C1QTNF3: variants seen among roughly 807,000 people sequenced by gnomAD.
C1QTNF3 encodes complement C1q tumor necrosis factor-related protein 3.
Under a neutral mutation model 32.6 loss-of-function variants are expected in C1QTNF3, and 26 were observed. That is an observed-to-expected ratio of 0.80 (90% confidence interval 0.58 to 1.11). The LOEUF is 1.11. C1QTNF3 is among the 50% of genes least tolerant of loss of function. C1QTNF3 has a pLI of 0.00. For missense variants in C1QTNF3, 362 were observed against 398.2 expected (o/e 0.91, Z 0.77); for synonymous variants, 155 against 146.0 (o/e 1.06, Z -0.44).
At chr5:34,071,148 C>G in the C1QTNF3 span, among the ~76,000 whole-genome samples, 2 of 152,192 alleles carry the variant, frequency 1.3e-5, no homozygotes, top group African/African-American at 4.8e-5. Context: ...AACATTAAAG[C>G]TTATTTTCCA....
chr5:34,133,395 T>C, the C1QTNF3 span, among the ~76,000 whole-genome samples: 1 of 152,126 alleles, frequency 6.6e-6, no homozygotes, highest in South Asian at 2.1e-4. Context: ...TCTTGTAAGT[T>C]TACAAAGGTC....
At chr5:34,056,473 T>TAGAGAG in the C1QTNF3 span, among the ~76,000 whole-genome samples, 1 of 106,984 alleles carries the variant, frequency 9.3e-6, no homozygotes, top group Admixed American at 1.0e-4. Context: ...TATATATATA[T>TAGAGAG]ATATATAGAG....
chr5:34,079,014 T>G, the C1QTNF3 span, among the ~76,000 whole-genome samples: 1 of 151,626 alleles, frequency 6.6e-6, no homozygotes, highest in African/African-American at 2.4e-5. Context: ...CACTTGGTTT[T>G]CTGGCCTTCC....
the C1QTNF3 span, among the ~76,000 whole-genome samples, chr5:34,230,606 C>A: frequency 1.3e-5 from 2 of 152,052 alleles, no homozygotes; most frequent in Non-Finnish European, 2.9e-5. Context: ...CAGCATAAAA[C>A]AATATTAAAA....
chr5:34,239,233 A>G, the C1QTNF3 span: 92 of 152,112 alleles, frequency 6.0e-4, 3 homozygotes, highest in Admixed American at 7.2e-4. Flanking sequence ...TATCTACACA[A>G]TCAAGTCTAC....
the C1QTNF3 span, among the ~76,000 whole-genome samples, chr5:34,091,252 G>T: frequency 1.2e-4 from 18 of 152,398 alleles, no homozygotes; most frequent in Non-Finnish European, 2.2e-4. Flanking sequence ...CCCTGAGTCT[G>T]TAGAGCGGCC....
the C1QTNF3 span, among the ~76,000 whole-genome samples, chr5:34,094,501 A>T: frequency 1.3e-5 from 2 of 151,102 alleles, no homozygotes; most frequent in Non-Finnish European, 1.5e-5. Flanking sequence ...TACGAAGAGT[A>T]ATATAAATGT....
chr5:34,120,250 C>T, the C1QTNF3 span, among the ~76,000 whole-genome samples: 3 of 152,252 alleles, frequency 2.0e-5, no homozygotes, highest in Admixed American at 1.3e-4. Flanking sequence ...AATATTTCTA[C>T]TCTTGATTTG....
At chr5:34,123,603 G>A in the C1QTNF3 span, among the ~76,000 whole-genome samples, 4 of 143,692 alleles carry the variant, frequency 2.8e-5, no homozygotes, top group South Asian at 7.0e-4. Context: ...CCAATTTCCA[G>A]GACAGCAGAA....
chr5:34,165,688 A>C, the C1QTNF3 span: 1 of 152,128 alleles, frequency 6.6e-6, no homozygotes, highest in African/African-American at 2.4e-5. Flanking sequence ...AGCTCACAAA[A>C]AATGTTGGCT....
At chr5:34,044,271 A>G (rs1158478341), upstream of C1QTNF3, among the ~76,000 whole-genome samples, 1 of 152,240 alleles carries the variant, frequency 6.6e-6, no homozygotes, top group African/African-American at 2.4e-5. Flanking sequence ...CAGTTTTGTC[A>G]TCAAAAATTG....
At chr5:34,162,663 T>C in the C1QTNF3 span, among the ~76,000 whole-genome samples, 3 of 152,148 alleles carry the variant, frequency 2.0e-5, no homozygotes, top group Admixed American at 2.0e-4. Flanking sequence ...ATTACAGAAA[T>C]TTGTTTTAGA....
chr5:34,169,669 G>A, the C1QTNF3 span, among the ~76,000 whole-genome samples: 1 of 151,704 alleles, frequency 6.6e-6, no homozygotes, highest in Admixed American at 6.6e-5. Flanking sequence ...CCTATTTTTT[G>A]TTTCTGTTTC....
chr5:34,022,475 C>T (rs1332374538), intron 5 of C1QTNF3, among the ~76,000 whole-genome samples: 1 of 152,206 alleles, frequency 6.6e-6, no homozygotes, highest in African/African-American at 2.4e-5. Flanking sequence ...AAAAGGACTA[C>T]TCATTGACTG....
At chr5:34,156,037 C>A in the C1QTNF3 span, among the ~76,000 whole-genome samples, 1 of 152,104 alleles carries the variant, frequency 6.6e-6, no homozygotes, top group South Asian at 2.1e-4. Flanking sequence ...CTCGACTACA[C>A]CATGAGGAGT....
the C1QTNF3 span, among the ~76,000 whole-genome samples, chr5:34,107,715 ATGAC>A: frequency 8.5e-5 from 13 of 152,138 alleles, no homozygotes; most frequent in East Asian, 2.5e-3. Flanking sequence ...AAAGAAACAG[ATGAC>A]TGACAGTCTG....
At chr5:34,169,726 T>A in the C1QTNF3 span, among the ~76,000 whole-genome samples, 1 of 152,242 alleles carries the variant, frequency 6.6e-6, no homozygotes, top group South Asian at 2.1e-4. Context: ...AATAGTAATA[T>A]CAAAATGATA....
At chr5:34,051,436 T>C in the C1QTNF3 span, among the ~76,000 whole-genome samples, 1 of 152,242 alleles carries the variant, frequency 6.6e-6, no homozygotes, top group Non-Finnish European at 1.5e-5. Context: ...ATTATCTTTG[T>C]ATACAGCCTG....
the C1QTNF3 span, chr5:34,158,862 C>T: frequency 6.6e-6 from 1 of 151,748 alleles, no homozygotes; most frequent in Non-Finnish European, 1.5e-5. Flanking sequence ...TGGTTACAAC[C>T]ATGGATATAT....
Sources: gnomAD v4.1 joint callset for allele counts (sites outside exome capture counted in the v4.1 genomes callset) on GRCh38, gnomAD v4.1.1 for gene constraint, MANE v1.5 for transcripts, NCBI Gene and HGNC (gene_info 2026-07-23, HGNC 2026-07-21) for gene names.